The following AGPS variants were observed in gnomAD, a reference collection of about 807,000 sequenced individuals.
AGPS encodes alkyldihydroxyacetonephosphate synthase, peroxisomal.
AGPS carries 26 observed loss-of-function variants against 90.7 expected under a neutral mutation model. That is an observed-to-expected ratio of 0.29 (90% CI 0.21 to 0.40). The LOEUF (loss-of-function observed/expected upper bound fraction) is 0.40. Ranked by LOEUF, AGPS falls within the 10% of genes least tolerant of loss-of-function variation. The probability of loss-of-function intolerance (pLI) is 1.00; values close to 1 mark genes in which losing one functional copy is unlikely to be tolerated. For missense variants in AGPS, 540 were observed against 816.1 expected (o/e 0.66, Z 4.12); for synonymous variants, 294 against 285.3 (o/e 1.03, Z -0.31).
intron 2 of AGPS, among the ~76,000 whole-genome samples, chr2:177,432,460 T>C (rs1216879777): frequency 6.6e-6 from 1 of 152,230 alleles, no homozygotes; most frequent in African/African-American, 2.4e-5. Context: ...ACAAATTAAA[T>C]GTTGCTGTAG....
intron 18 of AGPS, among the ~76,000 whole-genome samples, chr2:177,521,908 G>A (rs909702075): frequency 6.6e-6 from 1 of 152,060 alleles, no homozygotes; most frequent in African/African-American, 2.4e-5. Context: ...TTATGAGTAC[G>A]CCTAAACAGA....
intron 1 of AGPS, among the ~76,000 whole-genome samples, chr2:177,395,150 TG>T (rs1456011624): frequency 6.6e-6 from 1 of 152,262 alleles, no homozygotes; most frequent in Non-Finnish European, 1.5e-5. Context: ...TATATGTGAT[TG>T]TACATTTTAT....
chr2:177,455,091 C>A (rs1285651762), intron 8 of AGPS, among the ~76,000 whole-genome samples: 1 of 152,112 alleles, frequency 6.6e-6, no homozygotes, highest in East Asian at 1.9e-4. Context: ...CCCAGGGAAG[C>A]CAAAAGGCTG....
chr2:177,471,791 A>C (rs562983865), intron 10 of AGPS, among the ~76,000 whole-genome samples: 1 of 152,302 alleles, frequency 6.6e-6, no homozygotes, highest in African/African-American at 2.4e-5. Context: ...GTGATACTTG[A>C]AGGACAGCTT....
chr2:177,395,604 C>T (rs551266409), intron 1 of AGPS, among the ~76,000 whole-genome samples: 1 of 152,320 alleles, frequency 6.6e-6, no homozygotes, highest in East Asian at 1.9e-4. Context: ...CCTGCAGTTG[C>T]CAGCTACAGA....
intron 8 of AGPS, among the ~76,000 whole-genome samples, chr2:177,449,493 G>A (rs1337922333): frequency 6.6e-6 from 1 of 152,166 alleles, no homozygotes; most frequent in African/African-American, 2.4e-5. Flanking sequence ...CACGATCATG[G>A]CTCACTGCAG....
intron 17 of AGPS, among the ~76,000 whole-genome samples, chr2:177,517,216 A>G (rs1281076500): frequency 6.6e-6 from 1 of 152,082 alleles, no homozygotes; most frequent in East Asian, 1.9e-4. Flanking sequence ...TTGCATTTTG[A>G]AAGCTCAGAT....
intron 19 of AGPS, among the ~76,000 whole-genome samples, chr2:177,527,488 ATC>A (rs1341995118): frequency 3.9e-5 from 6 of 152,092 alleles, no homozygotes; most frequent in African/African-American, 1.4e-4. Context: ...AAAATATAAA[ATC>A]TGTTTCTTTA....
At position 177,538,603 on chromosome 2, in the gene AGPS, T is replaced by G. The variant is rs1007917489; in HGVS notation, c.*408T>G. 5.5e-5 allele frequency: 16 copies of G among 290,180 alleles called. No homozygotes were observed. The highest frequency in any genetic ancestry group is 5.5e-4 in the South Asian group (16 of 29,250). The allele number at this position is 290,180 out of a possible 1,614,324, so 18.0% of individuals were successfully genotyped here. Reference sequence around the variant, plus strand: ...TGGGAATCAGATGTCTAGGGAAGGATTCCACTGAGGAGTGATACACGTGTA... The same window carrying G: ...TGGGAATCAGATGTCTAGGGAAGGAGTCCACTGAGGAGTGATACACGTGTA... On this transcript the variant is annotated 3_prime_UTR_variant, in exon 20 of 20. Transcript: ENST00000264167.
At chr2:177,433,094 C>G (rs185663104) in intron 2 of AGPS, among the ~76,000 whole-genome samples, 1 of 152,054 alleles carries the variant, frequency 6.6e-6, no homozygotes, top group Non-Finnish European at 1.5e-5. Context: ...CTACAGGACT[C>G]CTTTAAGAGA....
At chr2:177,432,220 G>T (rs187038409) in intron 2 of AGPS, among the ~76,000 whole-genome samples, 4 of 152,226 alleles carry the variant, frequency 2.6e-5, no homozygotes, top group Non-Finnish European at 5.9e-5. Context: ...TTCTGGTTCT[G>T]TATCTTCTAT....
chr2:177,425,349 A>G (rs1291685242), intron 2 of AGPS, among the ~76,000 whole-genome samples: 1 of 152,046 alleles, frequency 6.6e-6, no homozygotes, highest in Non-Finnish European at 1.5e-5. Flanking sequence ...GGCCGGGCGC[A>G]GTGGCTCACA....
rs142026079 is a variant in AGPS at position 177,419,051 on chromosome 2, A to T, written c.261-1218A>T. Among the ~76,000 whole-genome samples the T allele has an allele frequency of 1.1e-3, 165 of 152,092 alleles. 1 individual carries two copies. The East Asian group carries it at 0.024, about 23-fold the overall frequency. ...CTGTAGCTTTTATTAATAGCAAATC[A>T]TAGTTGTAAACAGAGCATTCCTAGT... On this transcript the variant is annotated intron_variant, in intron 1 of 19. Transcript: ENST00000264167.
intron 9 of AGPS, 29 bp from the exon 10 acceptor site, chr2:177,468,387 G>A: frequency 7.3e-7 from 1 of 1,371,142 alleles, no homozygotes. Context: ...CAGATGTCTA[G>A]AATTTACATC....
In AGPS at chr2:177,474,503, C is replaced by T. The variant is rs79531837; in HGVS notation, c.1105+5979C>T. Among the ~76,000 whole-genome samples the T allele has an allele frequency of 3.0e-3, 464 of 152,324 alleles. 3 individuals carry two copies. The highest frequency in any genetic ancestry group is 0.01 in the African/African-American group (430 of 41,570). On this transcript the variant is annotated intron_variant, in intron 10 of 19. Coordinates refer to ENST00000264167, the MANE Select transcript of AGPS (RefSeq NM_003659.4). ...ACACACATTCCTGGTGACTGTACCC[C>T]ACTCTTCCAGTGCACAGGCGGGCCC...
intron 8 of AGPS, among the ~76,000 whole-genome samples, chr2:177,449,197 G>A (rs1040734520): frequency 2.0e-5 from 3 of 151,974 alleles, no homozygotes; most frequent in Admixed American, 2.0e-4. Context: ...GTTTCCTTTC[G>A]GTAAGTAACT....
At chr2:177,528,324 C>T (rs1354594471) in intron 19 of AGPS, among the ~76,000 whole-genome samples, 1 of 152,200 alleles carries the variant, frequency 6.6e-6, no homozygotes, top group Non-Finnish European at 1.5e-5. Context: ...ATGGTTTCTT[C>T]TCACATTCAG....
intron 12 of AGPS, 98 bp downstream of exon 12, chr2:177,493,297 A>G: frequency 9.5e-7 from 1 of 1,057,234 alleles, no homozygotes; most frequent in Non-Finnish European, 1.5e-6. Context: ...AAAGAACGTC[A>G]GTCTTGCCTT....
intron 11 of AGPS, among the ~76,000 whole-genome samples, chr2:177,487,463 TG>T (rs1559068544): frequency 1.3e-5 from 2 of 152,068 alleles, no homozygotes; most frequent in Non-Finnish European, 2.9e-5. Context: ...GATGAAGGTT[TG>T]GGGTTTTTTG....
Sources: allele counts gnomAD v4.1 joint callset (sites outside exome capture counted in the v4.1 genomes callset), GRCh38; gene constraint gnomAD v4.1.1; transcripts MANE v1.5; gene names NCBI Gene and HGNC (gene_info 2026-07-23, HGNC 2026-07-21).